Variants in SAMD3 observed in about 807,000 individuals in gnomAD.
The protein encoded by SAMD3 is sterile alpha motif domain containing 3, also known as sterile alpha motif domain-containing protein 3.
A neutral mutation model predicts 58.5 loss-of-function variants in SAMD3; 63 were observed. The observed-to-expected ratio is 1.08, with a 90% CI of 0.88 to 1.33. The LOEUF (loss-of-function observed/expected upper bound fraction) is 1.33, where lower values mean the gene tolerates loss of function less well. SAMD3 is among the 40% of genes most tolerant of loss of function. The pLI, the probability that SAMD3 is intolerant of heterozygous loss-of-function variation, is 0.00. For missense variants in SAMD3, 604 were observed against 608.4 expected (o/e 0.99, Z 0.08); for synonymous variants, 220 against 210.3 (o/e 1.05, Z -0.40).
At chr6:130,285,075 T>C (rs1315346655) in intron 2 of SAMD3, among the ~76,000 whole-genome samples, 2 of 152,198 alleles carry the variant, frequency 1.3e-5, no homozygotes, top group Non-Finnish European at 2.9e-5. Flanking sequence ...TATTCAATGG[T>C]TAAAAATGGA....
intron 5 of SAMD3, among the ~76,000 whole-genome samples, chr6:130,186,972 A>T (rs991247953): frequency 6.6e-6 from 1 of 151,626 alleles, no homozygotes; most frequent in Non-Finnish European, 1.5e-5. Flanking sequence ...GTGTTTCACC[A>T]TGTTGGCCAG....
In SAMD3 at chr6:130,271,904, G is replaced by A. The variant is rs142940079; in HGVS notation, c.-188+41074C>T. Among the ~76,000 whole-genome samples the A allele has an allele frequency of 6.8e-3, 1,029 of 152,242 alleles. 12 individuals carry two copies. The highest frequency in any genetic ancestry group is 0.022 in the African/African-American group (908 of 41,542). ...TCATGAGACTTATTCACTATCATGAGAACAGCATGGGAAAGACCCGTCCCC... is the reference window on the plus strand; with the variant it reads ...TCATGAGACTTATTCACTATCATGAAAACAGCATGGGAAAGACCCGTCCCC... On this transcript the variant is annotated intron_variant, in intron 2 of 13. Transcript: ENST00000368134.
At chr6:130,304,693 C>T (rs1775856744) in intron 2 of SAMD3, among the ~76,000 whole-genome samples, 2 of 151,690 alleles carry the variant, frequency 1.3e-5, no homozygotes, top group Non-Finnish European at 2.9e-5. Context: ...TGCTAAGTTC[C>T]ATGAAAAAAA....
intron 2 of SAMD3, among the ~76,000 whole-genome samples, chr6:130,283,988 G>A (rs1036155552): frequency 1.3e-5 from 2 of 152,148 alleles, no homozygotes; most frequent in East Asian, 1.9e-4. Context: ...ATTTCCATGT[G>A]ATAAGAGGCG....
intron 5 of SAMD3, among the ~76,000 whole-genome samples, chr6:130,187,951 C>T (rs961146004): frequency 2.6e-5 from 4 of 152,180 alleles, no homozygotes; most frequent in African/African-American, 9.7e-5. Flanking sequence ...CCCCGGCTAA[C>T]TGAATCAGAG....
At chr6:130,345,225 G>A (rs1777408127) in intron 1 of SAMD3, among the ~76,000 whole-genome samples, 1 of 152,222 alleles carries the variant, frequency 6.6e-6, no homozygotes, top group African/African-American at 2.4e-5. Context: ...AGATACTTGT[G>A]TGGAGGTGGA....
chr6:130,219,696 C>T (rs117657181), intron 1 of SAMD3, among the ~76,000 whole-genome samples: 1,991 of 152,256 alleles, frequency 0.013, 18 homozygotes, highest in South Asian at 0.042. Context: ...AGTATTCTAT[C>T]GTATATATAC....
At position 130,155,042 on chromosome 6, in the gene SAMD3, A is replaced by T; in HGVS notation, c.823-17T>A. On this transcript the variant is annotated splice_polypyrimidine_tract_variant and intron_variant, in intron 8 of 11. Coordinates refer to ENST00000439090, the MANE Select transcript of SAMD3 (RefSeq NM_001017373.4). Reference sequence around the variant, plus strand: ...AGCTTCTTCCTGCAAAACATTTTCAACATATCAATGGATTCCATGTTTCTA... The same window carrying T: ...AGCTTCTTCCTGCAAAACATTTTCATCATATCAATGGATTCCATGTTTCTA... The T allele has an allele frequency of 6.3e-7, 1 of 1,599,932 alleles. No homozygotes were observed. The highest frequency in any genetic ancestry group is 1.3e-5 in the African/African-American group (1 of 74,624).
chr6:130,238,133 T>A (rs1333996470), intron 2 of SAMD3, among the ~76,000 whole-genome samples: 1 of 152,132 alleles, frequency 6.6e-6, no homozygotes, highest in Admixed American at 6.5e-5. Context: ...GTCATACACA[T>A]TTATAAAAAA....
At chr6:130,253,127 G>A (rs1190592716) in intron 2 of SAMD3, among the ~76,000 whole-genome samples, 2 of 152,164 alleles carry the variant, frequency 1.3e-5, no homozygotes, top group Non-Finnish European at 2.9e-5. Context: ...CAATTGCGCA[G>A]GAGATGCAGT....
At chr6:130,358,053 CTG>C (rs1323686783) in intron 1 of SAMD3, among the ~76,000 whole-genome samples, 1 of 152,152 alleles carries the variant, frequency 6.6e-6, no homozygotes, top group Non-Finnish European at 1.5e-5. Context: ...TTATTATTTT[CTG>C]TCTGCTCTTT....
intron 1 of SAMD3, among the ~76,000 whole-genome samples, chr6:130,318,342 C>T (rs1776461236): frequency 6.6e-6 from 1 of 152,120 alleles, no homozygotes; most frequent in African/African-American, 2.4e-5. Flanking sequence ...CATAACAAAG[C>T]TCAAGAATAT....
chr6:130,334,838 G>A (rs935420399), intron 1 of SAMD3, among the ~76,000 whole-genome samples: 6 of 152,288 alleles, frequency 3.9e-5, no homozygotes, highest in Admixed American at 3.3e-4. Flanking sequence ...CACCATCCGT[G>A]TGGTTATCTG....
upstream of SAMD3, among the ~76,000 whole-genome samples, chr6:130,223,944 G>C (rs998060698): frequency 1.9e-4 from 29 of 152,280 alleles, no homozygotes; most frequent in African/African-American, 7.0e-4. Context: ...GTATCCCAAG[G>C]TTCTTGCCTT....
intron 9 of SAMD3, among the ~76,000 whole-genome samples, chr6:130,154,000 A>T (rs79725843): frequency 1.3e-5 from 2 of 151,966 alleles, no homozygotes; most frequent in African/African-American, 4.8e-5. Flanking sequence ...ATATTTAAGG[A>T]CACTTATGAA....
rs1221055285 is a variant in SAMD3, at chr6:130,348,992, G to A, written c.-304+16128C>T. On this transcript the variant is annotated intron_variant, in intron 1 of 13. Coordinates refer to the SAMD3 transcript ENST00000368134. ...CCTGAATGACTACTGGGTACATAAC[G>A]AAATGAAGGCAGAAATAAAGATGTT... Among the ~76,000 whole-genome samples, 12 of 151,906 alleles carry A rather than the reference G, an allele frequency of 7.9e-5. No homozygotes were observed. In the East Asian group the frequency reaches 2.3e-3, roughly 29 times the overall value.
intron 8 of SAMD3, among the ~76,000 whole-genome samples, chr6:130,165,116 C>A (rs573675202): frequency 6.6e-6 from 1 of 152,150 alleles, no homozygotes; most frequent in South Asian, 2.1e-4. Flanking sequence ...AAAATTCAAA[C>A]AACTGTTGTT....
intron 2 of SAMD3, among the ~76,000 whole-genome samples, chr6:130,308,306 G>T (rs191299264): frequency 6.6e-6 from 1 of 151,702 alleles, no homozygotes; most frequent in East Asian, 1.9e-4. Context: ...GAGAGTCGAG[G>T]TCCTCATTGT....
At position 130,175,405 on chromosome 6, in the gene SAMD3, A is replaced by G. The variant is rs545415799; in HGVS notation, c.822+436T>C. On this transcript the variant is annotated intron_variant, in intron 8 of 11. Transcript: ENST00000439090. ...GACCAGCAGGGAAGGGAAGGCCACA[A>G]TGGAGTTTTGTATCCATGCATGTGG... 2.8e-3 allele frequency among the ~76,000 whole-genome samples: 429 copies of G among 152,298 alleles called. 4 individuals carry two copies. Among genetic ancestry groups the G allele is most frequent in the African/African-American group, 8.3e-3 (343 of 41,558 alleles).
Sources: gnomAD v4.1 joint callset for allele counts (sites outside exome capture counted in the v4.1 genomes callset) on GRCh38, gnomAD v4.1.1 for gene constraint, MANE v1.5 for transcripts, NCBI Gene and HGNC (gene_info 2026-07-23, HGNC 2026-07-21) for gene names.